Variants in NMNAT3 observed in about 807,000 individuals in gnomAD.
NMNAT3 encodes the protein nicotinamide/nicotinic acid mononucleotide adenylyltransferase 3.
In NMNAT3, 21 loss-of-function variants were observed where a neutral mutation model predicts 24.8. The ratio of observed to expected loss-of-function variants is 0.85; its 90% CI spans 0.60 to 1.22. The LOEUF is 1.22. Among genes scored for constraint, NMNAT3 ranks in the 50% most tolerant of loss-of-function variants. The probability of loss-of-function intolerance (pLI) is 0.00; values close to 1 mark genes in which losing one functional copy is unlikely to be tolerated. For missense variants in NMNAT3, 387 were observed against 436.6 expected, an observed-to-expected ratio of 0.89 and a Z score of 1.01; for synonymous variants, 136 against 155.2, an observed-to-expected ratio of 0.88 and a Z score of 0.92.
chr3:139,652,693 A>G (rs1402600784), intron 1 of NMNAT3, among the ~76,000 whole-genome samples: 1 of 152,252 alleles, frequency 6.6e-6, no homozygotes, highest in African/African-American at 2.4e-5. Flanking sequence ...CAAAATTTTC[A>G]AAACCAAATT....
At chr3:139,596,896 A>G (rs4431059) in intron 3 of NMNAT3, among the ~76,000 whole-genome samples, 37,933 of 122,086 alleles carry the variant, frequency 0.31, 7,438 homozygotes, top group South Asian at 0.6. Context: ...TCTTTTTTCC[A>G]CTATATTTTT....
At chr3:139,671,848 GATCAC>G (rs1303894043) in intron 1 of NMNAT3, among the ~76,000 whole-genome samples, 1 of 152,188 alleles carries the variant, frequency 6.6e-6, no homozygotes, top group Non-Finnish European at 1.5e-5. Flanking sequence ...CTGTTCTAAT[GATCAC>G]TGGCTCACAG....
At chr3:139,621,950 A>G (rs1262829893) in intron 3 of NMNAT3, among the ~76,000 whole-genome samples, 1 of 152,188 alleles carries the variant, frequency 6.6e-6, no homozygotes, top group Admixed American at 6.5e-5. Flanking sequence ...TCCATTATGT[A>G]TATATACCAC....
At chr3:139,595,878 T>G (rs545235677) in intron 3 of NMNAT3, among the ~76,000 whole-genome samples, 39 of 152,310 alleles carry the variant, frequency 2.6e-4, no homozygotes, top group African/African-American at 9.4e-4. Flanking sequence ...ACCTAGGCAT[T>G]ACCATTCAGG....
At chr3:139,574,206 A>G (rs1414823567) in intron 5 of NMNAT3, among the ~76,000 whole-genome samples, 1 of 152,234 alleles carries the variant, frequency 6.6e-6, no homozygotes, top group Non-Finnish European at 1.5e-5. Context: ...TTAGAAGGCA[A>G]TAGGGTGATG....
chr3:139,568,859 T>C (rs1937605389), intron 6 of NMNAT3: 1 of 152,218 alleles, frequency 6.6e-6, no homozygotes, highest in Non-Finnish European at 1.5e-5. Context: ...CTATTAAGTC[T>C]GCTTGGTGCA....
rs1203611014 is a variant in NMNAT3, at chr3:139,677,872, C to G, written c.-308G>C. On this transcript the variant is annotated 5_prime_UTR_variant, in exon 1 of 7. Transcript: ENST00000643695. ...TCGGGACTCAAGGCTGCCTCCGGCCCGGGCAGCCTCAGGTCTAGATCCCCT... is the reference window on the plus strand; with the variant it reads ...TCGGGACTCAAGGCTGCCTCCGGCCGGGGCAGCCTCAGGTCTAGATCCCCT... The G allele has an allele frequency of 3.3e-5, 5 of 152,192 alleles. No individual in the cohort carries two copies. Among genetic ancestry groups the G allele is most frequent in the African/African-American group, 1.2e-4 (5 of 41,444 alleles). The allele number at this position is 152,192 out of a possible 1,614,324, so 9.4% of individuals were successfully genotyped here. A position where few individuals can be genotyped will look rare whatever the true frequency, so the allele number is the denominator to read the frequency against.
At chr3:139,659,338 G>A (rs542444594) in intron 1 of NMNAT3, among the ~76,000 whole-genome samples, 2 of 152,264 alleles carry the variant, frequency 1.3e-5, no homozygotes, top group South Asian at 2.1e-4. Flanking sequence ...CATAAATAGT[G>A]CATTTTATCA....
Position 139,560,627 on chromosome 3 carries a change from C to T in NMNAT3, c.*383G>A, listed in dbSNP as rs1936262813. The T allele has an allele frequency of 5.5e-6, 1 of 182,522 alleles. No homozygotes were observed. Among genetic ancestry groups the T allele is most frequent in the African/African-American group, 2.4e-5 (1 of 42,378 alleles). The allele number at this position is 182,522 out of a possible 1,614,324, so 11.3% of individuals were successfully genotyped here. A position where few individuals can be genotyped will look rare whatever the true frequency, so the allele number is the denominator to read the frequency against. On this transcript the variant is annotated 3_prime_UTR_variant, in exon 7 of 7. Coordinates refer to ENST00000643695, the MANE Select transcript of NMNAT3 (RefSeq NM_001320510.2). The stretch of plus-strand genomic sequence containing the variant: ...GCTGCACCTGGTCCTAGTTAAAAAA[C>T]ACATTGTGGGCAATTCTGATCTGAC...
intron 6 of NMNAT3, 65 bp downstream of exon 6, chr3:139,573,533 C>G: frequency 1.0e-6 from 1 of 954,196 alleles, no homozygotes; most frequent in South Asian, 1.8e-5. Flanking sequence ...CCACCCCTAC[C>G]CCCTTCAGTT....
chr3:139,615,470 C>CCCAT (rs1218636417), intron 3 of NMNAT3, among the ~76,000 whole-genome samples: 2 of 146,538 alleles, frequency 1.4e-5, no homozygotes, highest in East Asian at 4.1e-4. Flanking sequence ...TATCCATCCA[C>CCCAT]CCACCCATCC....
chr3:139,661,631 C>T (rs9790036), intron 1 of NMNAT3, among the ~76,000 whole-genome samples: 13,388 of 152,134 alleles, frequency 0.088, 883 homozygotes, highest in East Asian at 0.21. Context: ...GACTGTGCCA[C>T]TGCACTCAGC....
chr3:139,575,538 A>G (rs1473105025), intron 5 of NMNAT3: 9 of 975,930 alleles, frequency 9.2e-6, no homozygotes, highest in Non-Finnish European at 1.1e-5. Context: ...TGGCACACAT[A>G]GAGGGTGATT....
rs374676689 is a variant in NMNAT3, at chr3:139,619,799, C to T, written c.109+7817G>A. Among the ~76,000 whole-genome samples, 17 of 152,274 alleles carry T rather than the reference C, an allele frequency of 1.1e-4. No individual in the cohort carries two copies. In the East Asian group the frequency reaches 1.9e-3, roughly 17 times the overall value. ...TTATATACCCTCAAAATAACTTTAA[C>T]GTTATTCTGCTCACTATTTTCAGCT... is the stretch of plus-strand genomic sequence containing the variant. On this transcript the variant is annotated intron_variant, in intron 3 of 6. Coordinates refer to ENST00000643695, the MANE Select transcript of NMNAT3 (RefSeq NM_001320510.2).
At chr3:139,657,847 G>T (rs2057295946) in intron 1 of NMNAT3, among the ~76,000 whole-genome samples, 1 of 150,998 alleles carries the variant, frequency 6.6e-6, no homozygotes, top group Admixed American at 6.7e-5. Context: ...GTGGTGTGGT[G>T]GTGCTGTGGG....
At chr3:139,605,524 C>A (rs2054903956) in intron 3 of NMNAT3, among the ~76,000 whole-genome samples, 1 of 152,122 alleles carries the variant, frequency 6.6e-6, no homozygotes, top group Admixed American at 6.6e-5. Context: ...CCATCATCAT[C>A]TTCATCCTCA....
chr3:139,675,482 C>A (rs190842054), intron 1 of NMNAT3, among the ~76,000 whole-genome samples: 15 of 152,290 alleles, frequency 9.8e-5, no homozygotes, highest in African/African-American at 3.6e-4. Context: ...CTTTCTTTGG[C>A]CTGAGTCTAC....
chr3:139,561,056 G>C lies in NMNAT3; in HGVS notation c.995C>G (p.Thr332Ser). 6.2e-7 allele frequency: 1 copy of C among 1,613,876 alleles called. No homozygotes were observed. The highest frequency in any genetic ancestry group is 1.1e-5 in the South Asian group (1 of 91,060). Residue 332 changes from threonine to serine, a missense_variant, in exon 7 of 7, where the codon ACC (threonine) becomes AGC (serine). Physicochemically the swap from Thr to Ser is moderately conservative, Grantham distance 58 (BLOSUM62 1). Transcript: ENST00000643695. ...GCTCTGGGTGCTTTTGCCTTTCCAG[G>C]TACTGCCCTTGGTGTAGAGGCCATG...
At position 139,573,605 on chromosome 3, in the gene NMNAT3, G is replaced by T. The variant is rs777508573; in HGVS notation, c.651C>A (p.Thr217=). Residue 217 remains threonine, a synonymous_variant, in exon 6 of 7, where the codon ACC becomes ACA. Transcript: ENST00000643695. ...AAGAGGATCAGCACCCACCTGCAGG[G>T]GTCGAGAAGAGTGCCTTGCCATGGT... 1 of 1,590,286 alleles carries T rather than the reference G, an allele frequency of 6.3e-7. No individual in the cohort carries two copies.
Sources: allele counts gnomAD v4.1 joint callset (sites outside exome capture counted in the v4.1 genomes callset), GRCh38; gene constraint gnomAD v4.1.1; transcripts MANE v1.5; gene names NCBI Gene and HGNC (gene_info 2026-07-23, HGNC 2026-07-21).